Variants in DCC observed in about 807,000 individuals in gnomAD.
DCC encodes DCC netrin 1 receptor, also known as netrin receptor DCC.
In DCC, 58 loss-of-function variants were observed where a neutral mutation model predicts 172.5. The ratio of observed to expected loss-of-function variants is 0.34; its 90% CI spans 0.27 to 0.42. The LOEUF is 0.42. DCC is among the 10% of genes least tolerant of loss of function. The pLI is 1.00. For synonymous variants in DCC, 709 were observed against 644.5 expected (o/e 1.10, Z -1.52); for missense variants, 1,740 against 1,791.0 (o/e 0.97, Z 0.51).
intron 1 of DCC, among the ~76,000 whole-genome samples, chr18:52,646,312 A>C (rs2035017397): frequency 6.6e-6 from 1 of 151,764 alleles, no homozygotes; most frequent in Admixed American, 6.5e-5. Context: ...ACATGCTTAC[A>C]AGAGAACATG....
chr18:53,343,081 T>G (rs1429038077), intron 15 of DCC, among the ~76,000 whole-genome samples: 1 of 151,742 alleles, frequency 6.6e-6, no homozygotes, highest in East Asian at 1.9e-4. Context: ...TTAGATTATC[T>G]AAAATTTTCT....
chr18:52,366,246 C>G (rs1019481877), intron 1 of DCC, among the ~76,000 whole-genome samples: 1 of 152,078 alleles, frequency 6.6e-6, no homozygotes, highest in African/African-American at 2.4e-5. Context: ...AATGAAGCCA[C>G]GGACCCTCGC....
chr18:53,499,500 G>T lies in DCC; in HGVS notation c.4101G>T (p.Leu1367Phe). 6.2e-7 allele frequency: 1 copy of T among 1,613,640 alleles called. No individual in the cohort carries two copies. Among genetic ancestry groups the T allele is most frequent in the South Asian group, 1.1e-5 (1 of 91,080 alleles). The change falls in exon 27 of 29, where the codon TTG (leucine) becomes TTT (phenylalanine). Residue 1367 changes from leucine (L) to phenylalanine (F), a missense_variant. Around this residue, in one of 2 missense-constraint regions of DCC, gnomAD observed 1,732 missense variants for 1,767.4 expected, o/e 0.98. Coordinates refer to ENST00000442544, the MANE Select transcript of DCC (RefSeq NM_005215.4). Reference sequence around the variant, plus strand: ...CGAAAGTCCCTTACACACCACTTTTGTCTCAGCCAGGTAAAGTACTCGGTT... The same window carrying T: ...CGAAAGTCCCTTACACACCACTTTTTTCTCAGCCAGGTAAAGTACTCGGTT... The part of the protein sequence containing the change: ...IEPKVPYTPL[L>F]SQPGPTLPKT...
intron 7 of DCC, among the ~76,000 whole-genome samples, chr18:53,153,066 C>T (rs1423716064): frequency 6.6e-6 from 1 of 152,100 alleles, no homozygotes; most frequent in Non-Finnish European, 1.5e-5. Flanking sequence ...GTTGGAGATG[C>T]CAATTGGTTT....
chr18:53,247,693 G>C (rs966787688), intron 12 of DCC, among the ~76,000 whole-genome samples: 1 of 152,012 alleles, frequency 6.6e-6, no homozygotes, highest in African/African-American at 2.4e-5. Context: ...ACTGTTTGAA[G>C]TTAACCATTT....
intron 19 of DCC, among the ~76,000 whole-genome samples, chr18:53,403,611 T>C (rs1052129522): frequency 2.0e-5 from 3 of 152,188 alleles, no homozygotes; most frequent in Non-Finnish European, 4.4e-5. Flanking sequence ...CATATAATTA[T>C]TATGAAAAAT....
intron 5 of DCC, among the ~76,000 whole-genome samples, chr18:53,049,461 T>G (rs1456496421): frequency 2.0e-5 from 3 of 152,072 alleles, no homozygotes; most frequent in Admixed American, 1.3e-4. Flanking sequence ...CCTTTGCTTG[T>G]CATGTTGTTT....
At chr18:52,375,276 AG>A (rs1270710616) in intron 1 of DCC, among the ~76,000 whole-genome samples, 157 of 152,328 alleles carry the variant, frequency 1.0e-3, no homozygotes, top group African/African-American at 3.5e-3. Flanking sequence ...TGAGGGCAAA[AG>A]TCTGAGTGGA....
chr18:52,384,601 G>A (rs1985717249), intron 1 of DCC, among the ~76,000 whole-genome samples: 1 of 152,144 alleles, frequency 6.6e-6, no homozygotes, highest in Non-Finnish European at 1.5e-5. Context: ...GCGGGGTGAA[G>A]ACCCTGTGTA....
chr18:53,124,734 G>A (rs1327578884), intron 7 of DCC, among the ~76,000 whole-genome samples: 1 of 152,032 alleles, frequency 6.6e-6, no homozygotes, highest in East Asian at 1.9e-4. Flanking sequence ...AGGAAGCTAA[G>A]GCAGGTGGAT....
At chr18:53,361,517 ACT>A in intron 15 of DCC, among the ~76,000 whole-genome samples, 1 of 152,206 alleles carries the variant, frequency 6.6e-6, no homozygotes, top group South Asian at 2.1e-4. Flanking sequence ...ACATTAGAAG[ACT>A]CTAGGCAGTG....
At chr18:53,035,308 C>A (rs954189061) in intron 5 of DCC, among the ~76,000 whole-genome samples, 1 of 151,994 alleles carries the variant, frequency 6.6e-6, no homozygotes, top group Admixed American at 6.6e-5. Context: ...CACTAAAGTA[C>A]AATATGTGCT....
At chr18:52,505,920 A>C (rs2031214130) in intron 1 of DCC, among the ~76,000 whole-genome samples, 1 of 152,176 alleles carries the variant, frequency 6.6e-6, no homozygotes, top group African/African-American at 2.4e-5. Flanking sequence ...GTGCTAAAAA[A>C]GGTCGTTTAT....
chr18:52,898,744 A>C (rs138909574), intron 2 of DCC, among the ~76,000 whole-genome samples: 2 of 151,908 alleles, frequency 1.3e-5, no homozygotes, highest in African/African-American at 4.8e-5. Context: ...CAAATGAAAA[A>C]TGTTTGCTTC....
At chr18:53,045,538 G>GCA (rs146014049) in intron 5 of DCC, among the ~76,000 whole-genome samples, 4 of 151,484 alleles carry the variant, frequency 2.6e-5, no homozygotes, top group South Asian at 2.1e-4. Context: ...ATACATACAG[G>GCA]CACACACACA....
intron 27 of DCC, among the ~76,000 whole-genome samples, chr18:53,524,584 C>T (rs1160121966): frequency 6.6e-6 from 1 of 152,016 alleles, no homozygotes; most frequent in African/African-American, 2.4e-5. Context: ...TATTGGAATA[C>T]AGTATTTTAA....
intron 1 of DCC, among the ~76,000 whole-genome samples, chr18:52,661,361 G>T (rs929494845): frequency 2.6e-5 from 4 of 152,224 alleles, no homozygotes; most frequent in Non-Finnish European, 5.9e-5. Context: ...AAGAGGGAAT[G>T]CTCTTTCTAG....
intron 1 of DCC, among the ~76,000 whole-genome samples, chr18:52,360,709 A>G (rs1439831592): frequency 6.6e-6 from 1 of 152,256 alleles, no homozygotes; most frequent in South Asian, 2.1e-4. Flanking sequence ...GATTTTATGA[A>G]AAGAGCCATT....
intron 2 of DCC, among the ~76,000 whole-genome samples, chr18:52,847,240 G>A (rs1762797050): frequency 6.6e-6 from 1 of 152,002 alleles, no homozygotes; most frequent in Non-Finnish European, 1.5e-5. Flanking sequence ...ACTTATATTT[G>A]AATTTACATA....
Sources: allele counts gnomAD v4.1 joint callset (sites outside exome capture counted in the v4.1 genomes callset), GRCh38; gene constraint gnomAD v4.1.1; regional missense constraint gnomAD v4.1.1; transcripts MANE v1.5; gene names NCBI Gene and HGNC (gene_info 2026-07-23, HGNC 2026-07-21).